ST6GALNAC5: variants seen among roughly 807,000 people sequenced by gnomAD.
The protein encoded by ST6GALNAC5 is ST6 N-acetylgalactosaminide alpha-2,6-sialyltransferase 5, also known as alpha-N-acetylgalactosaminide alpha-2,6-sialyltransferase 5.
In ST6GALNAC5, 27 loss-of-function variants were observed where a neutral mutation model predicts 33.6. The ratio of observed to expected loss-of-function variants is 0.80; its 90% CI spans 0.59 to 1.11. The LOEUF (loss-of-function observed/expected upper bound fraction) is 1.11, where lower values mean the gene tolerates loss of function less well. Ranked by LOEUF, ST6GALNAC5 falls within the 50% of genes least tolerant of loss-of-function variation. The pLI is 0.00. For missense variants in ST6GALNAC5, 428 were observed against 454.0 expected (o/e 0.94, Z 0.52); for synonymous variants, 194 against 171.2 (o/e 1.13, Z -1.04).
chr1:76,962,376 A>G (rs1001735612), intron 2 of ST6GALNAC5, among the ~76,000 whole-genome samples: 1 of 152,240 alleles, frequency 6.6e-6, no homozygotes, highest in Admixed American at 6.5e-5. Flanking sequence ...CAGAAAGTTT[A>G]GAGACTTACA....
At chr1:76,867,924 C>T (rs1217194246) in intron 1 of ST6GALNAC5, among the ~76,000 whole-genome samples, 1 of 152,096 alleles carries the variant, frequency 6.6e-6, no homozygotes, top group Non-Finnish European at 1.5e-5. Flanking sequence ...AGATCTCCGG[C>T]GAGAGGTCCG....
chr1:76,913,556 CAA>C (rs1646936405), intron 2 of ST6GALNAC5, among the ~76,000 whole-genome samples: 1 of 152,136 alleles, frequency 6.6e-6, no homozygotes, highest in Admixed American at 6.6e-5. Flanking sequence ...TCAGGTAAAC[CAA>C]TCAGATGCAG....
chr1:76,889,880 C>T (rs2100247290), intron 2 of ST6GALNAC5, among the ~76,000 whole-genome samples: 1 of 152,012 alleles, frequency 6.6e-6, no homozygotes, highest in African/African-American at 2.4e-5. Context: ...GTCATAGTAT[C>T]TTCTTCTTTA....
Position 76,974,064 on chromosome 1 carries a change from C to T in ST6GALNAC5, c.262-70140C>T, listed in dbSNP as rs545027498. 2.0e-5 allele frequency among the ~76,000 whole-genome samples: 3 copies of T among 152,092 alleles called. No individual in the cohort carries two copies. The South Asian group carries it at 6.2e-4, about 32-fold the overall frequency. On this transcript the variant is annotated intron_variant, in intron 2 of 4. Coordinates refer to ENST00000477717, the MANE Select transcript of ST6GALNAC5 (RefSeq NM_030965.3). ...TAAAAAAACAACTAATTTTATTACA[C>T]TAAAATGCCATGTGCCATACTGGTG... is the stretch of plus-strand genomic sequence containing the variant.
chr1:76,963,041 T>C (rs923357944), intron 2 of ST6GALNAC5, among the ~76,000 whole-genome samples: 8 of 152,094 alleles, frequency 5.3e-5, no homozygotes, highest in African/African-American at 1.9e-4. Context: ...TATAGAAAAT[T>C]TGTGCATAGG....
At chr1:76,954,208 G>A (rs889452010) in intron 2 of ST6GALNAC5, among the ~76,000 whole-genome samples, 6 of 152,114 alleles carry the variant, frequency 3.9e-5, no homozygotes, top group Non-Finnish European at 7.4e-5. Flanking sequence ...TTAAAAAGGA[G>A]CGAGATTATG....
intron 2 of ST6GALNAC5, among the ~76,000 whole-genome samples, chr1:76,948,040 T>G (rs531077573): frequency 1.3e-5 from 2 of 152,106 alleles, no homozygotes; most frequent in African/African-American, 2.4e-5. Flanking sequence ...AAAGAGCGAA[T>G]TGTTTAACAC....
At chr1:76,910,499 A>G (rs1313899564) in intron 2 of ST6GALNAC5, among the ~76,000 whole-genome samples, 1 of 152,008 alleles carries the variant, frequency 6.6e-6, no homozygotes, top group Non-Finnish European at 1.5e-5. Flanking sequence ...CATAGATAAG[A>G]GGTTTCATGT....
chr1:77,039,940 C>T (rs769415154), intron 2 of ST6GALNAC5, among the ~76,000 whole-genome samples: 2 of 152,226 alleles, frequency 1.3e-5, no homozygotes, highest in African/African-American at 4.8e-5. Context: ...GATTCATCAA[C>T]CCAGCATCTG....
In ST6GALNAC5 at chr1:76,868,034, C is replaced by G. The variant is rs1441939756; in HGVS notation, c.15+344C>G. On this transcript the variant is annotated intron_variant, in intron 1 of 4. Coordinates refer to ENST00000477717, the MANE Select transcript of ST6GALNAC5 (RefSeq NM_030965.3). The surrounding 1 kb of genome is among the most constrained non-coding windows in gnomAD (Gnocchi z 4.3). Reference sequence around the variant, plus strand: ...ACAGCCTGCCAAAAACTAAGAGGGACGGGGAGGGGGGACCTTTGCAGACTT... The same window carrying G: ...ACAGCCTGCCAAAAACTAAGAGGGAGGGGGAGGGGGGACCTTTGCAGACTT... 3.9e-5 allele frequency among the ~76,000 whole-genome samples: 6 copies of G among 152,106 alleles called. No individual in the cohort carries two copies.
At chr1:76,897,990 A>G (rs1358990604) in intron 2 of ST6GALNAC5, among the ~76,000 whole-genome samples, 1 of 152,238 alleles carries the variant, frequency 6.6e-6, no homozygotes, top group Non-Finnish European at 1.5e-5. Flanking sequence ...CTCGGCGTCC[A>G]TGATGGTCTA....
At chr1:76,986,928 A>G (rs1367833191) in intron 2 of ST6GALNAC5, among the ~76,000 whole-genome samples, 1 of 152,196 alleles carries the variant, frequency 6.6e-6, no homozygotes, top group Non-Finnish European at 1.5e-5. Context: ...CAGAAATCCA[A>G]ACACCACATG....
chr1:76,911,839 C>T lies in ST6GALNAC5; in HGVS notation c.261+43097C>T, dbSNP rs1442813466. 5.3e-5 allele frequency among the ~76,000 whole-genome samples: 8 copies of T among 152,168 alleles called. No homozygotes were observed. In the East Asian group the frequency reaches 1.2e-3, roughly 22 times the overall value. ...TTTTTTTCTTTATTAGTCTTGCTAGCGGTCTATCAATTCTGTTGCTCCTTT... is the reference window on the plus strand; with the variant it reads ...TTTTTTTCTTTATTAGTCTTGCTAGTGGTCTATCAATTCTGTTGCTCCTTT... On this transcript the variant is annotated intron_variant, in intron 2 of 4. Coordinates refer to ENST00000477717, the MANE Select transcript of ST6GALNAC5 (RefSeq NM_030965.3).
intron 2 of ST6GALNAC5, among the ~76,000 whole-genome samples, chr1:76,912,787 A>T (rs1040194105): frequency 2.2e-4 from 33 of 151,720 alleles, no homozygotes; most frequent in African/African-American, 7.3e-4. Flanking sequence ...TAGATCTTCC[A>T]TCCTTTTATT....
chr1:77,021,573 C>A (rs1422236776), intron 2 of ST6GALNAC5, among the ~76,000 whole-genome samples: 1 of 152,126 alleles, frequency 6.6e-6, no homozygotes, highest in Admixed American at 6.6e-5. Flanking sequence ...TGTGTGAGAA[C>A]CTGCATTGTT....
chr1:76,888,188 G>A (rs1397194520), intron 2 of ST6GALNAC5, among the ~76,000 whole-genome samples: 1 of 152,124 alleles, frequency 6.6e-6, no homozygotes, highest in Non-Finnish European at 1.5e-5. Context: ...GTGGTATGAT[G>A]TGCCATTTAA....
chr1:77,016,624 C>T (rs1402914939), intron 2 of ST6GALNAC5, among the ~76,000 whole-genome samples: 1 of 152,068 alleles, frequency 6.6e-6, no homozygotes. Flanking sequence ...GCCAGGCTCT[C>T]TGTCCCAGCT....
intron 2 of ST6GALNAC5, among the ~76,000 whole-genome samples, chr1:76,900,633 T>C (rs1322235092): frequency 3.9e-5 from 6 of 152,168 alleles, no homozygotes; most frequent in Admixed American, 3.9e-4. Flanking sequence ...CATCCTCACA[T>C]TGAACAAAAT....
chr1:77,039,198 C>G lies in ST6GALNAC5; in HGVS notation c.262-5006C>G, dbSNP rs184016417. Among the ~76,000 whole-genome samples, 245 of 152,344 alleles carry G rather than the reference C, an allele frequency of 1.6e-3. 1 individual carries two copies. The highest frequency in any genetic ancestry group is 5.5e-3 in the African/African-American group (228 of 41,580). ...CTCTGAGCATCAGCAGCCTGGAGAACAGTCACTCTTCCATGTGCTGTGCAT... is the reference window on the plus strand; with the variant it reads ...CTCTGAGCATCAGCAGCCTGGAGAAGAGTCACTCTTCCATGTGCTGTGCAT... On this transcript the variant is annotated intron_variant, in intron 2 of 4. Coordinates refer to ENST00000477717, the MANE Select transcript of ST6GALNAC5 (RefSeq NM_030965.3).
Sources: allele counts gnomAD v4.1 joint callset (sites outside exome capture counted in the v4.1 genomes callset), GRCh38; gene constraint gnomAD v4.1.1; non-coding constraint Gnocchi (gnomAD v3.1); transcripts MANE v1.5; gene names NCBI Gene and HGNC (gene_info 2026-07-23, HGNC 2026-07-21).